Variants in C2orf42 observed in about 807,000 individuals in gnomAD.
C2orf42 encodes uncharacterized protein C2orf42.
Under a neutral mutation model 58.9 loss-of-function variants are expected in C2orf42, and 44 were observed. The observed-to-expected ratio is 0.75, with a 90% CI of 0.59 to 0.96. The LOEUF (loss-of-function observed/expected upper bound fraction) is 0.96. Among genes scored for constraint, C2orf42 ranks in the 40% least tolerant of loss-of-function variants. The pLI is 0.00. For synonymous variants in C2orf42, 239 were observed against 265.4 expected (o/e 0.90, Z 0.97); for missense variants, 630 against 699.2 (o/e 0.90, Z 1.12).
chr2:70,165,926 T>C (rs955946812), intron 6 of C2orf42, among the ~76,000 whole-genome samples: 2 of 152,014 alleles, frequency 1.3e-5, no homozygotes, highest in African/African-American at 4.8e-5. Flanking sequence ...AGTCTCACTC[T>C]GTTGCCCAGG....
intron 4 of C2orf42, 66 bp from the exon 5 acceptor site, chr2:70,175,843 T>G (rs1026401264): frequency 4.0e-6 from 4 of 1,008,402 alleles, no homozygotes; most frequent in Admixed American, 1.7e-5. Flanking sequence ...TGATGTTAAT[T>G]TTTAGAGTCT....
chr2:70,187,982 T>C (rs1410086966), intron 1 of C2orf42, among the ~76,000 whole-genome samples: 2 of 152,076 alleles, frequency 1.3e-5, no homozygotes, highest in African/African-American at 2.4e-5. Context: ...TAAGCCACCA[T>C]ACCCGACTGC....
chr2:70,176,290 G>T (rs1674185971), intron 4 of C2orf42, among the ~76,000 whole-genome samples: 2 of 152,112 alleles, frequency 1.3e-5, no homozygotes, highest in Admixed American at 1.3e-4. Context: ...TGATCATGAA[G>T]TCAGGAGCTT....
rs12989348 is a variant in C2orf42 at position 70,150,521 on chromosome 2, G to A, written c.1560C>T (p.Ile520=). 188,077 of 1,613,280 alleles carry A rather than the reference G, an allele frequency of 0.12. 13,051 individuals are homozygous for A. Among genetic ancestry groups the A allele is most frequent in the Non-Finnish European group, 0.14 (161,981 of 1,179,304 alleles). Residue 520 remains isoleucine, a synonymous_variant, in exon 10 of 10, where the codon ATC becomes ATT. Coordinates refer to ENST00000264434, the MANE Select transcript of C2orf42 (RefSeq NM_017880.3). ...GGGGAAGGATATCTGGGATCCACTC[G>A]ATGATGAAAGGTGTTGGCTCCTTTT... ...PDQKEPTPFI[I]EWIPDILPQS... is the part of the protein sequence containing the mutation.
In C2orf42 at chr2:70,181,230, G is replaced by T; in HGVS notation, c.756C>A (p.Ile252=). The stretch of plus-strand genomic sequence containing the variant: ...GTGTCTCATCACTGGCAAAGGCACA[G>T]ATGCAAGCAAAGAAATGAATGCATC... ...AQRCIHFFAC[I]CAFASDETLA... The change falls in exon 3 of 10, where the codon ATC becomes ATA. Residue 252 remains isoleucine (I), a synonymous_variant. Coordinates refer to ENST00000264434, the MANE Select transcript of C2orf42 (RefSeq NM_017880.3). 1 of 1,605,050 alleles carries T rather than the reference G, an allele frequency of 6.2e-7. No individual in the cohort carries two copies.
In C2orf42 at chr2:70,165,519, A is replaced by C; in HGVS notation, c.1252+9T>G. 3 of 1,445,070 alleles carry C rather than the reference A, an allele frequency of 2.1e-6. No individual in the cohort carries two copies. The highest frequency in any genetic ancestry group is 2.9e-6 in the Non-Finnish European group (3 of 1,026,166). The allele number at this position is 1,445,070 out of a possible 1,614,324, so 89.5% of individuals were successfully genotyped here. A position where few individuals can be genotyped will look rare whatever the true frequency, so the allele number is the denominator to read the frequency against. Reference sequence around the variant, plus strand: ...ACATCCATCACTATACCAAAGGGAAATCCTGTACCTGTGGTGGAGTTGGGG... The same window carrying C: ...ACATCCATCACTATACCAAAGGGAACTCCTGTACCTGTGGTGGAGTTGGGG... On this transcript the variant is annotated intron_variant, in intron 7 of 9. Coordinates refer to ENST00000264434, the MANE Select transcript of C2orf42 (RefSeq NM_017880.3).
chr2:70,167,220 T>C (rs1380003818), intron 6 of C2orf42, among the ~76,000 whole-genome samples: 2 of 151,858 alleles, frequency 1.3e-5, no homozygotes, highest in Non-Finnish European at 2.9e-5. Context: ...TAGCCGGGCA[T>C]GGTGGCATGC....
rs933364490 is a variant in C2orf42, at chr2:70,157,571, C to T, written c.1516+3054G>A. On this transcript the variant is annotated intron_variant, in intron 9 of 9. Transcript: ENST00000264434. ...CAGAACTTTGGGAGGCCAAGGTGGG[C>T]GGATCATCTGAGGTTAGAAATTCGA... is the stretch of plus-strand genomic sequence containing the variant. Among the ~76,000 whole-genome samples, 6 of 152,108 alleles carry T rather than the reference C, an allele frequency of 3.9e-5. No individual in the cohort carries two copies. The South Asian group carries it at 8.3e-4, about 21-fold the overall frequency.
chr2:70,183,726 C>CT (rs1313868836), intron 1 of C2orf42, among the ~76,000 whole-genome samples: 1 of 98,042 alleles, frequency 1.0e-5, no homozygotes. Context: ...GACCCCATCT[C>CT]TTTAAAAAAA....
At chr2:70,190,640 C>T (rs74755470) in intron 1 of C2orf42, 2 of 152,186 alleles carry the variant, frequency 1.3e-5, no homozygotes, top group African/African-American at 4.8e-5. Flanking sequence ...GGAGGAAGAC[C>T]GCCGGGGCCC....
At chr2:70,160,275 G>A (rs1353262958) in intron 9 of C2orf42, among the ~76,000 whole-genome samples, 1 of 151,922 alleles carries the variant, frequency 6.6e-6, no homozygotes, top group African/African-American at 2.4e-5. Context: ...GAGTAGCTGG[G>A]ACTACAGGCA....
chr2:70,181,355 T>G lies in C2orf42; in HGVS notation c.631A>C (p.Lys211Gln), dbSNP rs1464836675. ...LGYLHTSFVQ[K>Q]VSGKSLPERR... ...TCAGGCAAGCTTTTGCCACTGACTT[T>G]CTGCACAAAAGATGTATGCAAATAC... is the stretch of plus-strand genomic sequence containing the variant. Residue 211 changes from lysine (K) to glutamine (Q), a missense_variant, in exon 3 of 10, where the codon AAA becomes CAA. Transcript: ENST00000264434. 1.2e-6 allele frequency: 2 copies of G among 1,614,028 alleles called. No individual in the cohort carries two copies. The highest frequency in any genetic ancestry group is 1.7e-6 in the Non-Finnish European group (2 of 1,179,992).
At chr2:70,188,439 C>T (rs1424986363) in intron 1 of C2orf42, among the ~76,000 whole-genome samples, 1 of 152,204 alleles carries the variant, frequency 6.6e-6, no homozygotes, top group Non-Finnish European at 1.5e-5. Flanking sequence ...ATCTGCCTGT[C>T]TCGGCCTCCC....
At chr2:70,160,892 GTA>G in intron 8 of C2orf42, 105 bp from the exon 9 acceptor site, 1 of 717,518 alleles carries the variant, frequency 1.4e-6, no homozygotes, top group Non-Finnish European at 2.2e-6. Context: ...TTCTTGTTAA[GTA>G]TATTCAAATG....
At chr2:70,151,716 T>C (rs12622572) in intron 9 of C2orf42, among the ~76,000 whole-genome samples, 27,038 of 152,116 alleles carry the variant, frequency 0.18, 4,246 homozygotes, top group African/African-American at 0.42. Context: ...AAATTAACAA[T>C]GTATATACAT....
intron 5 of C2orf42, among the ~76,000 whole-genome samples, chr2:70,170,393 C>T (rs1050236980): frequency 5.9e-5 from 9 of 151,810 alleles, no homozygotes; most frequent in African/African-American, 2.2e-4. Context: ...ACTACAGGTG[C>T]GTCACCATGC....
intron 9 of C2orf42, among the ~76,000 whole-genome samples, chr2:70,154,506 A>T (rs1471707823): frequency 2.0e-5 from 3 of 151,470 alleles, no homozygotes; most frequent in Non-Finnish European, 4.4e-5. Flanking sequence ...TGGTACTAGC[A>T]TGCATCTAGA....
chr2:70,186,315 C>T (rs112752594), intron 1 of C2orf42, among the ~76,000 whole-genome samples: 8,041 of 150,922 alleles, frequency 0.053, 653 homozygotes, highest in African/African-American at 0.18. Context: ...TGTATATATA[C>T]ACACACACAC....
intron 4 of C2orf42, 93 bp from the exon 5 acceptor site, chr2:70,175,870 C>G: frequency 1.2e-6 from 1 of 816,290 alleles, no homozygotes. Context: ...TATAAACAGT[C>G]TTTGCTAATT....
Sources: allele counts gnomAD v4.1 joint callset (sites outside exome capture counted in the v4.1 genomes callset), GRCh38; gene constraint gnomAD v4.1.1; transcripts MANE v1.5; gene names NCBI Gene and HGNC (gene_info 2026-07-23, HGNC 2026-07-21).